BCL2: variants seen among roughly 807,000 people sequenced by gnomAD.
BCL2 encodes BCL2 apoptosis regulator, also known as apoptosis regulator Bcl-2.
BCL2 carries 1 observed loss-of-function variant against 14.2 expected under a neutral mutation model. The observed-to-expected ratio is 0.07, with a 90% confidence interval of 0.02 to 0.33. The LOEUF (loss-of-function observed/expected upper bound fraction) is 0.33, where lower values mean the gene tolerates loss of function less well. BCL2 is among the 10% of genes least tolerant of loss of function. The pLI is 0.99. For synonymous variants in BCL2, 151 were observed against 137.2 expected (o/e 1.10, Z -0.70); for missense variants, 247 against 305.9 (o/e 0.81, Z 1.44).
Position 63,126,529 on chromosome 18 carries a change from T to C in BCL2, c.*2096A>G. 4.4e-6 allele frequency: 1 copy of C among 229,036 alleles called. No homozygotes were observed. The highest frequency in any genetic ancestry group is 2.2e-5 in the African/African-American group (1 of 45,242). The allele number at this position is 229,036 out of a possible 1,614,324, so 14.2% of individuals were successfully genotyped here. A position where few individuals can be genotyped will look rare whatever the true frequency, so the allele number is the denominator to read the frequency against. ...GAATTGCCCAGGGACGAGGAAACCTTCAAGAAACAAGGTCAAAGGGACAAC... is the reference window on the plus strand; with the variant it reads ...GAATTGCCCAGGGACGAGGAAACCTCCAAGAAACAAGGTCAAAGGGACAAC... On this transcript the variant is annotated 3_prime_UTR_variant, in exon 3 of 3. Transcript: ENST00000333681.
At chr18:63,263,931 A>G (rs1273051044) in intron 2 of BCL2, among the ~76,000 whole-genome samples, 4 of 152,052 alleles carry the variant, frequency 2.6e-5, no homozygotes, top group Non-Finnish European at 5.9e-5. Flanking sequence ...GTTTAAGCGA[A>G]TCTCATTTTT....
chr18:63,206,090 C>A (rs972922771), intron 2 of BCL2, among the ~76,000 whole-genome samples: 1 of 152,140 alleles, frequency 6.6e-6, no homozygotes. Context: ...TGTGAAAGTG[C>A]AGGCATTTAA....
intron 2 of BCL2, among the ~76,000 whole-genome samples, chr18:63,175,399 G>C (rs1228278591): frequency 6.6e-6 from 1 of 152,166 alleles, no homozygotes; most frequent in Non-Finnish European, 1.5e-5. Flanking sequence ...ATTTCCAAAA[G>C]TCATATTCAA....
chr18:63,217,905 T>C (rs1339152366), intron 2 of BCL2, among the ~76,000 whole-genome samples: 1 of 152,214 alleles, frequency 6.6e-6, no homozygotes, highest in East Asian at 1.9e-4. Flanking sequence ...AGGTTAGTCC[T>C]ATGGGTTCCT....
intron 2 of BCL2, among the ~76,000 whole-genome samples, chr18:63,218,633 C>T (rs957880522): frequency 3.8e-5 from 4 of 105,712 alleles, no homozygotes; most frequent in African/African-American, 6.9e-5. Context: ...CTCATCCCAT[C>T]CACTCATCCC....
At chr18:63,271,854 G>A (rs1912012607) in intron 2 of BCL2, among the ~76,000 whole-genome samples, 1 of 152,176 alleles carries the variant, frequency 6.6e-6, no homozygotes, top group Non-Finnish European at 1.5e-5. Flanking sequence ...TTGAAACAGA[G>A]ATTTATGACA....
At chr18:63,161,405 C>A (rs1290651984) in intron 2 of BCL2, among the ~76,000 whole-genome samples, 1 of 152,204 alleles carries the variant, frequency 6.6e-6, no homozygotes, top group Non-Finnish European at 1.5e-5. Context: ...CTCAGATGAT[C>A]TTTCCATCTC....
At chr18:63,210,489 A>C (rs1909968819) in intron 2 of BCL2, among the ~76,000 whole-genome samples, 1 of 152,218 alleles carries the variant, frequency 6.6e-6, no homozygotes, top group Non-Finnish European at 1.5e-5. Flanking sequence ...TATTTTGTTA[A>C]AATTTCCTTA....
At chr18:63,295,201 T>A (rs973323718) in intron 2 of BCL2, among the ~76,000 whole-genome samples, 1 of 151,228 alleles carries the variant, frequency 6.6e-6, no homozygotes, top group African/African-American at 2.4e-5. Context: ...TTATTATTAT[T>A]ATAATTCATA....
intron 2 of BCL2, among the ~76,000 whole-genome samples, chr18:63,279,724 TACA>T (rs1020253432): frequency 1.3e-5 from 2 of 152,218 alleles, no homozygotes; most frequent in African/African-American, 2.4e-5. Context: ...CACAATAAAA[TACA>T]ACAAGGAAAA....
At chr18:63,176,501 G>A (rs560954897) in intron 2 of BCL2, among the ~76,000 whole-genome samples, 1 of 152,358 alleles carries the variant, frequency 6.6e-6, no homozygotes, top group South Asian at 2.1e-4. Context: ...GTGAAAGAAA[G>A]GATGAATAAA....
intron 2 of BCL2, among the ~76,000 whole-genome samples, chr18:63,228,011 T>C (rs983895324): frequency 2.0e-5 from 3 of 152,248 alleles, no homozygotes; most frequent in African/African-American, 4.8e-5. Flanking sequence ...TCATTTCTGG[T>C]GAGGCCTCTC....
intron 2 of BCL2, among the ~76,000 whole-genome samples, chr18:63,159,800 C>T (rs1914872720): frequency 6.6e-6 from 1 of 152,244 alleles, no homozygotes; most frequent in East Asian, 1.9e-4. Context: ...GCTGGAGTTT[C>T]TATGAGCTGA....
At chr18:63,276,759 C>G (rs764920743) in intron 2 of BCL2, among the ~76,000 whole-genome samples, 1 of 152,182 alleles carries the variant, frequency 6.6e-6, no homozygotes, top group Non-Finnish European at 1.5e-5. Flanking sequence ...TTGCAGTGAT[C>G]CTACAAGTGG....
intron 2 of BCL2, among the ~76,000 whole-genome samples, chr18:63,218,746 TCCTCCACTCATCCC>T (rs1910291338): frequency 5.8e-5 from 3 of 51,726 alleles, no homozygotes; most frequent in South Asian, 7.0e-4. Flanking sequence ...CTCATCTCCA[TCCTCCACTCATCCC>T]CCTCTACTCA....
chr18:63,285,215 G>A (rs952655443), intron 2 of BCL2, among the ~76,000 whole-genome samples: 2 of 152,208 alleles, frequency 1.3e-5, no homozygotes, highest in East Asian at 1.9e-4. Flanking sequence ...GGAACTTCTC[G>A]CCCATCCAGC....
chr18:63,176,562 G>A (rs147074303), intron 2 of BCL2, among the ~76,000 whole-genome samples: 46 of 152,344 alleles, frequency 3.0e-4, no homozygotes, highest in African/African-American at 1.1e-3. Flanking sequence ...TGGTAGTAGC[G>A]GGTAAATGGG....
chr18:63,201,656 GA>G (rs1186442747), intron 2 of BCL2, among the ~76,000 whole-genome samples: 1 of 152,170 alleles, frequency 6.6e-6, no homozygotes, highest in African/African-American at 2.4e-5. Flanking sequence ...TCTAAAAAAG[GA>G]TGAGTTCATG....
intron 2 of BCL2, among the ~76,000 whole-genome samples, chr18:63,156,740 T>C (rs1914793592): frequency 6.6e-6 from 1 of 152,166 alleles, no homozygotes; most frequent in Non-Finnish European, 1.5e-5. Flanking sequence ...GGAATGCCTC[T>C]AACTCTGCTC....
Sources: gnomAD v4.1 joint callset for allele counts (sites outside exome capture counted in the v4.1 genomes callset) on GRCh38, gnomAD v4.1.1 for gene constraint, MANE v1.5 for transcripts, NCBI Gene and HGNC (gene_info 2026-07-23, HGNC 2026-07-21) for gene names.